TAFA1: variants seen among roughly 807,000 people sequenced by gnomAD.
TAFA1 encodes TAFA chemokine like family member 1.
Under a neutral mutation model 18.5 loss-of-function variants are expected in TAFA1, and 4 were observed. That is an observed-to-expected ratio of 0.22 (90% CI 0.11 to 0.49). The LOEUF is 0.49. TAFA1 is among the 20% of genes least tolerant of loss of function. The pLI, the probability that TAFA1 is intolerant of heterozygous loss-of-function variation, is 0.98. For missense variants in TAFA1, 147 were observed against 169.0 expected, an observed-to-expected ratio of 0.87 and a Z score of 0.72; for synonymous variants, 56 against 55.2, an observed-to-expected ratio of 1.01 and a Z score of -0.06.
intron 2 of TAFA1, among the ~76,000 whole-genome samples, chr3:68,220,035 G>C (rs2066710636): frequency 6.6e-6 from 1 of 152,158 alleles, no homozygotes; most frequent in African/African-American, 2.4e-5. Flanking sequence ...GTTTTAATAT[G>C]ATAAATTGGT....
Position 68,281,415 on chromosome 3 carries a change from A to T in TAFA1, c.119-135865A>T, listed in dbSNP as rs1413712092. 2.0e-5 allele frequency among the ~76,000 whole-genome samples: 3 copies of T among 150,976 alleles called. No individual in the cohort carries two copies. The East Asian group carries it at 5.9e-4, about 30-fold the overall frequency. ...GCATGGTAGGATATCAAGCTCTAGG[A>T]GTAGTTATTTAAGATAGTTTGATTT... On this transcript the variant is annotated intron_variant, in intron 2 of 4. Coordinates refer to ENST00000478136, the MANE Select transcript of TAFA1 (RefSeq NM_213609.4).
At chr3:68,175,970 AC>A (rs1439215243) in intron 2 of TAFA1, among the ~76,000 whole-genome samples, 1 of 152,138 alleles carries the variant, frequency 6.6e-6, no homozygotes, top group African/African-American at 2.4e-5. Flanking sequence ...AATATGTCTC[AC>A]AAGACCTGGT....
chr3:68,341,712 G>A (rs149736598), intron 2 of TAFA1, among the ~76,000 whole-genome samples: 217 of 152,266 alleles, frequency 1.4e-3, no homozygotes, highest in African/African-American at 4.8e-3. Flanking sequence ...TCCAAGGTTA[G>A]CAGAAAATGG....
chr3:68,078,221 G>T (rs2064851676), intron 2 of TAFA1, among the ~76,000 whole-genome samples: 4 of 152,062 alleles, frequency 2.6e-5, no homozygotes. Context: ...CTGAGACAAT[G>T]GGGTTTTCTA....
At chr3:68,388,511 C>G (rs2070155326) in intron 2 of TAFA1, among the ~76,000 whole-genome samples, 1 of 152,026 alleles carries the variant, frequency 6.6e-6, no homozygotes, top group Admixed American at 6.6e-5. Flanking sequence ...ACGTTTGTCT[C>G]TGTAATTTTC....
At chr3:68,421,598 C>T (rs960180026) in intron 3 of TAFA1, among the ~76,000 whole-genome samples, 4 of 151,656 alleles carry the variant, frequency 2.6e-5, no homozygotes, top group South Asian at 4.2e-4. Flanking sequence ...TCAGCTTCCT[C>T]GTCTTTATTT....
chr3:68,108,720 C>T (rs1231322699), intron 2 of TAFA1, among the ~76,000 whole-genome samples: 1 of 151,770 alleles, frequency 6.6e-6, no homozygotes, highest in East Asian at 1.9e-4. Flanking sequence ...TAAAAATATA[C>T]CTAAATGAAA....
At chr3:68,444,833 A>T (rs2071449838) in intron 3 of TAFA1, among the ~76,000 whole-genome samples, 1 of 147,902 alleles carries the variant, frequency 6.8e-6, no homozygotes, top group East Asian at 2.0e-4. Context: ...ATAAATAAAT[A>T]CAGTGGATCT....
intron 2 of TAFA1, among the ~76,000 whole-genome samples, chr3:68,151,159 A>G (rs955525232): frequency 1.3e-5 from 2 of 152,102 alleles, no homozygotes; most frequent in East Asian, 3.9e-4. Context: ...ACCTTTCACC[A>G]TTAACATTCT....
intron 2 of TAFA1, among the ~76,000 whole-genome samples, chr3:68,238,179 C>T (rs1265903552): frequency 3.9e-5 from 6 of 152,126 alleles, no homozygotes; most frequent in Admixed American, 2.0e-4. Context: ...CGTTGAGACA[C>T]AGCCCTTCAA....
intron 2 of TAFA1, among the ~76,000 whole-genome samples, chr3:68,228,549 T>C (rs1009980455): frequency 2.6e-5 from 4 of 152,242 alleles, no homozygotes; most frequent in Non-Finnish European, 4.4e-5. Context: ...ACTTCTTTCA[T>C]TTACTCCTGC....
intron 2 of TAFA1, among the ~76,000 whole-genome samples, chr3:68,267,693 A>T (rs1443354218): frequency 6.6e-6 from 1 of 151,954 alleles, no homozygotes; most frequent in Non-Finnish European, 1.5e-5. Flanking sequence ...TTTAATATTT[A>T]AGGGAATGAA....
At chr3:68,408,949 G>GA (rs916504268) in intron 2 of TAFA1, among the ~76,000 whole-genome samples, 15 of 152,086 alleles carry the variant, frequency 9.9e-5, no homozygotes, top group African/African-American at 3.4e-4. Context: ...TGGTAAAACA[G>GA]AAAAAAATTG....
intron 2 of TAFA1, among the ~76,000 whole-genome samples, chr3:68,278,006 C>T (rs953737484): frequency 4.6e-5 from 7 of 152,138 alleles, no homozygotes; most frequent in Admixed American, 2.0e-4. Flanking sequence ...AAGCCCAGTA[C>T]ATCTTTATAC....
intron 3 of TAFA1, among the ~76,000 whole-genome samples, chr3:68,486,692 C>T (rs1484586253): frequency 6.6e-6 from 1 of 152,106 alleles, no homozygotes. Context: ...TCTGGGTCTG[C>T]GAAAAGAACC....
intron 3 of TAFA1, among the ~76,000 whole-genome samples, chr3:68,511,237 T>C (rs183416554): frequency 2.0e-5 from 3 of 152,270 alleles, no homozygotes; most frequent in East Asian, 3.9e-4. Flanking sequence ...GCAATAAATA[T>C]GGAAATAAGG....
intron 3 of TAFA1, among the ~76,000 whole-genome samples, chr3:68,501,608 C>T (rs993701424): frequency 2.1e-4 from 32 of 152,122 alleles, no homozygotes; most frequent in African/African-American, 7.7e-4. Flanking sequence ...GTGCTAAATG[C>T]GGGAACCACA....
rs147068350 is a variant in TAFA1 at position 68,161,176 on chromosome 3, T to G, written c.118+154432T>G. On this transcript the variant is annotated intron_variant, in intron 2 of 4. Coordinates refer to ENST00000478136, the MANE Select transcript of TAFA1 (RefSeq NM_213609.4). ...TTTACCTCTATCCCAAGGACATAAA[T>G]TTTCCCATAGAAGGTATAACGCTAT... Among the ~76,000 whole-genome samples, 19 of 152,322 alleles carry G rather than the reference T, an allele frequency of 1.2e-4. No individual in the cohort carries two copies. In the East Asian group the frequency reaches 3.7e-3, roughly 29 times the overall value.
intron 2 of TAFA1, among the ~76,000 whole-genome samples, chr3:68,227,688 T>A (rs2066819377): frequency 6.6e-6 from 1 of 152,212 alleles, no homozygotes; most frequent in Non-Finnish European, 1.5e-5. Flanking sequence ...TGGACTAGAC[T>A]GTTGGCTTTT....
Sources: gnomAD v4.1 joint callset for allele counts (sites outside exome capture counted in the v4.1 genomes callset) on GRCh38, gnomAD v4.1.1 for gene constraint, MANE v1.5 for transcripts, NCBI Gene and HGNC (gene_info 2026-07-23, HGNC 2026-07-21) for gene names.